Variants in NET1 observed in about 807,000 individuals in gnomAD.
NET1 encodes the protein neuroepithelial cell-transforming gene 1 protein.
Under a neutral mutation model 61.1 loss-of-function variants are expected in NET1, and 42 were observed. The ratio of observed to expected loss-of-function variants is 0.69; its 90% CI spans 0.54 to 0.89. NET1 has a LOEUF of 0.89. NET1 is among the 40% of genes least tolerant of loss of function. The pLI, the probability that NET1 is intolerant of heterozygous loss-of-function variation, is 0.00. For synonymous variants in NET1, 254 were observed against 281.8 expected, an observed-to-expected ratio of 0.90 and a Z score of 0.99; for missense variants, 654 against 747.3, an observed-to-expected ratio of 0.88 and a Z score of 1.46.
rs1832824192 is a variant in NET1 at position 5,457,384 on chromosome 10, A to C, written c.*390A>C. 6.5e-6 allele frequency: 1 copy of C among 154,852 alleles called. No homozygotes were observed. The highest frequency in any genetic ancestry group is 1.4e-5 in the Non-Finnish European group (1 of 69,668). 9.6% of individuals were successfully genotyped at this position (154,852 alleles called of 1,614,324 possible). ...GGAATTCTGCCAGTGTTTCTTTGCT[A>C]AGCCTTGCATGCAAAATTTGAAATT... On this transcript the variant is annotated 3_prime_UTR_variant, in exon 12 of 12. Transcript: ENST00000355029. This position sits in a 1 kb window ranked among gnomAD's most constrained non-coding sequence, Gnocchi z 5.4.
rs1251823552 is a variant in NET1, at chr10:5,426,144, A to G, written c.129-511A>G. Among the ~76,000 whole-genome samples the G allele has an allele frequency of 6.6e-6, 1 of 152,212 alleles. No individual in the cohort carries two copies. The highest frequency in any genetic ancestry group is 2.4e-5 in the African/African-American group (1 of 41,464). On this transcript the variant is annotated intron_variant, in intron 1 of 11. Coordinates refer to ENST00000355029, the MANE Select transcript of NET1 (RefSeq NM_001047160.3). This position sits in a 1 kb window ranked among gnomAD's most constrained non-coding sequence, Gnocchi z 4.6. ...CTTTGTCTCAAATGTAGTTATTCATAGCTTTGTATTTTGTTTGTTAAATTG... is the reference window on the plus strand; with the variant it reads ...CTTTGTCTCAAATGTAGTTATTCATGGCTTTGTATTTTGTTTGTTAAATTG...
chr10:5,417,194 G>A lies in NET1; in HGVS notation c.128+4374G>A, dbSNP rs1325173814. On this transcript the variant is annotated intron_variant, in intron 1 of 11. Transcript: ENST00000355029. This position sits in a 1 kb window ranked among gnomAD's most constrained non-coding sequence, Gnocchi z 5.5. ...CAGCGTGCTGGTGTACTCCCACGTCGATGTGTTCCTCTTGACATCCAGCCA... is the reference window on the plus strand; with the variant it reads ...CAGCGTGCTGGTGTACTCCCACGTCAATGTGTTCCTCTTGACATCCAGCCA... Among the ~76,000 whole-genome samples, 2 of 151,484 alleles carry A rather than the reference G, an allele frequency of 1.3e-5. No homozygotes were observed. The highest frequency in any genetic ancestry group is 2.4e-5 in the African/African-American group (1 of 41,168).
rs746208601 is a variant in NET1, at chr10:5,454,472, C to A, written c.976C>A (p.Leu326Ile). 6.2e-7 allele frequency: 1 copy of A among 1,614,168 alleles called. No individual in the cohort carries two copies. The highest frequency in any genetic ancestry group is 8.5e-7 in the Non-Finnish European group (1 of 1,180,014). The change falls in exon 9 of 12, where the codon CTT (leucine) becomes ATT (isoleucine). Residue 326 changes from leucine (L) to isoleucine (I), a missense_variant. By Grantham distance (5) the Leu-to-Ile change is conservative. Coordinates refer to ENST00000355029, the MANE Select transcript of NET1 (RefSeq NM_001047160.3). This position sits in a 1 kb window ranked among gnomAD's most constrained non-coding sequence, Gnocchi z 8.1. ...ATACCCTTTACTGTTAAAAGAAATT[C>A]TTAAACACACTCCAAAAGAGCACCC... ...VKYPLLLKEILKHTPKEHPDV... is the reference protein window; with the variant it reads ...VKYPLLLKEIIKHTPKEHPDV...
At chr10:5,432,572 A>AT (rs1296749690) in intron 3 of NET1, among the ~76,000 whole-genome samples, 1 of 147,660 alleles carries the variant, frequency 6.8e-6, no homozygotes, top group Non-Finnish European at 1.5e-5. Context: ...TTTAAAAAAA[A>AT]TTTTATTGTT....
rs1293116179 is a variant in NET1 at position 5,420,457 on chromosome 10, C to G, written c.129-6198C>G. 7.9e-5 allele frequency among the ~76,000 whole-genome samples: 12 copies of G among 152,186 alleles called. No individual in the cohort carries two copies. Among genetic ancestry groups the G allele is most frequent in the Admixed American group, 7.2e-4 (11 of 15,274 alleles). On this transcript the variant is annotated intron_variant, in intron 1 of 11. Transcript: ENST00000355029. This position sits in a 1 kb window ranked among gnomAD's most constrained non-coding sequence, Gnocchi z 5.3. The stretch of plus-strand genomic sequence containing the variant: ...TAGGTTGTTTGTTGATACATCTCCT[C>G]TATACACCTGTGCAAGTTTCTCTGG...
In NET1 at chr10:5,440,887, C is replaced by T. The variant is rs894323531; in HGVS notation, c.256-10943C>T. ...ATTTTACTAGTGAGTGAGTCTGTTT[C>T]AGAGTCCCATCCTGTGTTTCTGATC... is the stretch of plus-strand genomic sequence containing the variant. On this transcript the variant is annotated intron_variant, in intron 3 of 11. Coordinates refer to ENST00000355029, the MANE Select transcript of NET1 (RefSeq NM_001047160.3). The surrounding 1 kb of genome is among the most constrained non-coding windows in gnomAD (Gnocchi z 4.1). Among the ~76,000 whole-genome samples the T allele has an allele frequency of 1.6e-4, 24 of 152,192 alleles. No individual in the cohort carries two copies. Among genetic ancestry groups the T allele is most frequent in the Non-Finnish European group, 1.0e-4 (7 of 68,034 alleles).
chr10:5,451,253 T>A lies in NET1; in HGVS notation c.256-577T>A, dbSNP rs1385327280. 6.6e-6 allele frequency among the ~76,000 whole-genome samples: 1 copy of A among 152,198 alleles called. No individual in the cohort carries two copies. Among genetic ancestry groups the A allele is most frequent in the African/African-American group, 2.4e-5 (1 of 41,462 alleles). On this transcript the variant is annotated intron_variant, in intron 3 of 11. Transcript: ENST00000355029. This position sits in a 1 kb window ranked among gnomAD's most constrained non-coding sequence, Gnocchi z 6.1. ...CCTGGGTGCTCTTTTAACTCCTCCCTGCCTTGGCTTCAATATTTTTCAGCC... is the reference window on the plus strand; with the variant it reads ...CCTGGGTGCTCTTTTAACTCCTCCCAGCCTTGGCTTCAATATTTTTCAGCC...
chr10:5,446,676 A>G lies in NET1; in HGVS notation c.256-5154A>G. ...CTGCCGAGGGTGGCCGAGCTCTGGGAAGAAAAGCCCGTGTGCCTCTGCATA... is the reference window on the plus strand; with the variant it reads ...CTGCCGAGGGTGGCCGAGCTCTGGGGAGAAAAGCCCGTGTGCCTCTGCATA... On this transcript the variant is annotated intron_variant, in intron 3 of 11. Coordinates refer to ENST00000355029, the MANE Select transcript of NET1 (RefSeq NM_001047160.3). This position sits in a 1 kb window ranked among gnomAD's most constrained non-coding sequence, Gnocchi z 5.0. 7.4e-7 allele frequency: 1 copy of G among 1,357,186 alleles called. No individual in the cohort carries two copies. The highest frequency in any genetic ancestry group is 9.6e-7 in the Non-Finnish European group (1 of 1,043,758). The allele number at this position is 1,357,186 out of a possible 1,614,324, so 84.1% of individuals were successfully genotyped here.
chr10:5,432,667 G>A (rs1375291364), intron 3 of NET1, among the ~76,000 whole-genome samples: 1 of 150,952 alleles, frequency 6.6e-6, no homozygotes, highest in East Asian at 1.9e-4. Context: ...GAGGATTCTT[G>A]TTCATATTCC....
chr10:5,442,516 G>A (rs1832537424), intron 3 of NET1, among the ~76,000 whole-genome samples: 5 of 152,062 alleles, frequency 3.3e-5, no homozygotes, highest in South Asian at 4.2e-4. Flanking sequence ...ACTCAGTTAC[G>A]TTTATAAATT....
rs1240392252 is a variant in NET1 at position 5,452,755 on chromosome 10, C to G, written c.532-103C>G. 7 of 1,149,468 alleles carry G rather than the reference C, an allele frequency of 6.1e-6. No individual in the cohort carries two copies. The South Asian group carries it at 8.7e-5, about 14-fold the overall frequency. The allele number at this position is 1,149,468 out of a possible 1,614,324, so 71.2% of individuals were successfully genotyped here. The stretch of plus-strand genomic sequence containing the variant: ...GAATTACAATTTTCAGACTGAGTTA[C>G]TTTTTAAAATGCCGTTCAAAACATC... On this transcript the variant is annotated intron_variant, in intron 5 of 11. Transcript: ENST00000355029. This position sits in a 1 kb window ranked among gnomAD's most constrained non-coding sequence, Gnocchi z 4.0.
intron 1 of NET1, among the ~76,000 whole-genome samples, chr10:5,418,798 G>A (rs1447317812): frequency 6.6e-6 from 1 of 151,896 alleles, no homozygotes; most frequent in African/African-American, 2.4e-5. Context: ...CTTAATATAG[G>A]GATACAGCTA....
chr10:5,438,304 T>G (rs140250830), intron 3 of NET1, among the ~76,000 whole-genome samples: 1 of 152,046 alleles, frequency 6.6e-6, no homozygotes, highest in Non-Finnish European at 1.5e-5. Context: ...AAACCAAAAT[T>G]TGGTTCTTTG....
chr10:5,441,475 A>T lies in NET1; in HGVS notation c.256-10355A>T, dbSNP rs919533186. On this transcript the variant is annotated intron_variant, in intron 3 of 11. Coordinates refer to ENST00000355029, the MANE Select transcript of NET1 (RefSeq NM_001047160.3). The surrounding 1 kb of genome is among the most constrained non-coding windows in gnomAD (Gnocchi z 4.6). ...TGAAGTTCAGGGAAAAATGGGAGGA[A>T]TCCCATTCAACAGCTTGTTACAGAA... Among the ~76,000 whole-genome samples, 2 of 152,348 alleles carry T rather than the reference A, an allele frequency of 1.3e-5. No individual in the cohort carries two copies. The highest frequency in any genetic ancestry group is 4.8e-5 in the African/African-American group (2 of 41,584).
rs79405130 is a variant in NET1 at position 5,432,999 on chromosome 10, C to T, written c.255+3770C>T. On this transcript the variant is annotated intron_variant, in intron 3 of 11. Transcript: ENST00000355029. ...TTTAGTTAACTAGCACTTCTCCCTA[C>T]CCTCTTTCTCTTCTGATTTGAAATA... 6.5e-3 allele frequency among the ~76,000 whole-genome samples: 986 copies of T among 152,214 alleles called. 36 individuals are homozygous for T. In the East Asian group the frequency reaches 0.11, roughly 16 times the overall value.
At position 5,446,666 on chromosome 10, in the gene NET1, G is replaced by A. The variant is rs1832616707; in HGVS notation, c.256-5164G>A. 2.3e-6 allele frequency: 3 copies of A among 1,332,598 alleles called. No individual in the cohort carries two copies. The highest frequency in any genetic ancestry group is 5.6e-5 in the East Asian group (2 of 35,918). 82.5% of individuals were successfully genotyped at this position (1,332,598 alleles called of 1,614,324 possible). Reference sequence around the variant, plus strand: ...GGGCACGTGGCTGCCGAGGGTGGCCGAGCTCTGGGAAGAAAAGCCCGTGTG... The same window carrying A: ...GGGCACGTGGCTGCCGAGGGTGGCCAAGCTCTGGGAAGAAAAGCCCGTGTG... On this transcript the variant is annotated intron_variant, in intron 3 of 11. Coordinates refer to ENST00000355029, the MANE Select transcript of NET1 (RefSeq NM_001047160.3). This position sits in a 1 kb window ranked among gnomAD's most constrained non-coding sequence, Gnocchi z 5.0.
chr10:5,446,882 G>A lies in NET1; in HGVS notation c.256-4948G>A. On this transcript the variant is annotated intron_variant, in intron 3 of 11. Transcript: ENST00000355029. The surrounding 1 kb of genome is among the most constrained non-coding windows in gnomAD (Gnocchi z 5.0). ...AGGTAAGACTTTAAGAGAAACGTTA[G>A]GCAAAAGGAATGTTTTCTAACTCCA... The A allele has an allele frequency of 6.3e-7, 1 of 1,580,746 alleles. No individual in the cohort carries two copies. Among genetic ancestry groups the A allele is most frequent in the Admixed American group, 1.7e-5 (1 of 57,578 alleles).
intron 3 of NET1, among the ~76,000 whole-genome samples, chr10:5,430,576 TG>T (rs1832332426): frequency 6.6e-6 from 1 of 152,006 alleles, no homozygotes; most frequent in African/African-American, 2.4e-5. Flanking sequence ...GGTTTTGCCA[TG>T]TTGTCCAGGC....
In NET1 at chr10:5,458,375, A is replaced by C. The variant is rs1265806774; in HGVS notation, c.*1381A>C. The C allele has an allele frequency of 6.6e-6, 1 of 152,530 alleles. No homozygotes were observed. The highest frequency in any genetic ancestry group is 1.9e-4 in the East Asian group (1 of 5,194). The allele number at this position is 152,530 out of a possible 1,614,324, so 9.4% of individuals were successfully genotyped here. On this transcript the variant is annotated 3_prime_UTR_variant, in exon 12 of 12. Coordinates refer to ENST00000355029, the MANE Select transcript of NET1 (RefSeq NM_001047160.3). This position sits in a 1 kb window ranked among gnomAD's most constrained non-coding sequence, Gnocchi z 4.5. Reference sequence around the variant, plus strand: ...AATATATTTGGCCAGTGGAAATGATAATCAGAAAAGACTGTAAATAGATCC... The same window carrying C: ...AATATATTTGGCCAGTGGAAATGATCATCAGAAAAGACTGTAAATAGATCC...
Sources: gnomAD v4.1 joint callset for allele counts (sites outside exome capture counted in the v4.1 genomes callset) on GRCh38, gnomAD v4.1.1 for gene constraint, Gnocchi (gnomAD v3.1) non-coding constraint, MANE v1.5 for transcripts, NCBI Gene and HGNC (gene_info 2026-07-23, HGNC 2026-07-21) for gene names.